Variants in CTBP1 observed in about 807,000 individuals in gnomAD.
CTBP1 encodes C-terminal-binding protein 1.
CTBP1 carries 11 observed loss-of-function variants against 42.1 expected under a neutral mutation model. That is an observed-to-expected ratio of 0.26 (90% CI 0.16 to 0.43). The LOEUF is 0.43. Among genes scored for constraint, CTBP1 ranks in the 20% least tolerant of loss-of-function variants. The pLI, the probability that CTBP1 is intolerant of heterozygous loss-of-function variation, is 1.00. For synonymous variants in CTBP1, 324 were observed against 277.1 expected (o/e 1.17, Z -1.68); for missense variants, 399 against 624.3 (o/e 0.64, Z 3.85).
Position 1,225,469 on chromosome 4 carries a change from C to T in CTBP1, c.405G>A (p.Leu135=), listed in dbSNP as rs1294100924. The T allele has an allele frequency of 1.3e-6, 2 of 1,542,916 alleles. No individual in the cohort carries two copies. The highest frequency in any genetic ancestry group is 3.9e-5 in the Admixed American group (2 of 50,980). Residue 135 remains leucine, a synonymous_variant, in exon 5 of 10, where the codon CTG becomes CTA. Coordinates refer to ENST00000382952, the MANE Select transcript of CTBP1 (RefSeq NM_001012614.2). ...ILNLYRRATW[L]HQALREGTRV... ...GTGTGCCCTCCCGCAGCGCCTGGTG[C>T]AGCCAGGTGGCCCGCCGGTACAGGT...
chr4:1,217,494 T>A (rs1314252652), intron 5 of CTBP1: 1 of 152,080 alleles, frequency 6.6e-6, no homozygotes. Flanking sequence ...TCCCACCAAA[T>A]GGGGAGGAAG....
In CTBP1 at chr4:1,219,702, G is replaced by A. The variant is rs181567633; in HGVS notation, c.515-3497C>T. Among the ~76,000 whole-genome samples, 3 of 152,356 alleles carry A rather than the reference G, an allele frequency of 2.0e-5. No individual in the cohort carries two copies. The East Asian group carries it at 5.8e-4, about 29-fold the overall frequency. On this transcript the variant is annotated intron_variant, in intron 5 of 9. Transcript: ENST00000382952. ...GCAGTGTGTGCAAGAGAAAATTCAAGAGAATCTGTTTTTGGCAGAGGCAGG... is the reference window on the plus strand; with the variant it reads ...GCAGTGTGTGCAAGAGAAAATTCAAAAGAATCTGTTTTTGGCAGAGGCAGG...
intron 2 of CTBP1, among the ~76,000 whole-genome samples, chr4:1,240,342 G>A (rs1159276609): frequency 3.6e-5 from 4 of 112,326 alleles, no homozygotes; most frequent in South Asian, 3.7e-4. Context: ...CGTCGGAACC[G>A]CGTGGGGGAC....
chr4:1,215,906 G>T, intron 6 of CTBP1, 85 bp downstream of exon 6: 11 of 1,428,802 alleles, frequency 7.7e-6, no homozygotes, highest in Non-Finnish European at 9.5e-6. Flanking sequence ...CCCAGGTGCA[G>T]ATGGCTGCTG....
intron 5 of CTBP1, among the ~76,000 whole-genome samples, chr4:1,219,300 C>T (rs970622179): frequency 2.0e-5 from 3 of 152,164 alleles, no homozygotes; most frequent in East Asian, 1.9e-4. Flanking sequence ...TGCAGTGAGC[C>T]GTGACCGCAC....
chr4:1,226,961 C>G (rs1444912713), intron 4 of CTBP1, among the ~76,000 whole-genome samples: 1 of 152,098 alleles, frequency 6.6e-6, no homozygotes, highest in Non-Finnish European at 1.5e-5. Context: ...AAAAGGGAAG[C>G]AAAACCGTGA....
rs1324975714 is a variant in CTBP1 at position 1,248,903 on chromosome 4, C to G, written c.-189+13G>C. ...CCGCCCGCGGCCGGAAACGCGCGCG[C>G]GCGCGGCCTTACCAAGCGGCAGGCC... On this transcript the variant is annotated intron_variant, in intron 1 of 9. Coordinates refer to ENST00000382952, the MANE Select transcript of CTBP1 (RefSeq NM_001012614.2). The G allele has an allele frequency of 1.7e-5, 17 of 985,480 alleles. No individual in the cohort carries two copies. Among genetic ancestry groups the G allele is most frequent in the Non-Finnish European group, 1.9e-5 (16 of 829,136 alleles). 61.0% of individuals were successfully genotyped at this position (985,480 alleles called of 1,614,324 possible). A position where few individuals can be genotyped will look rare whatever the true frequency, so the allele number is the denominator to read the frequency against.
intron 7 of CTBP1, chr4:1,213,923 G>A: frequency 1.2e-5 from 5 of 430,756 alleles, no homozygotes; most frequent in Admixed American, 4.2e-5. Flanking sequence ...GGAGCTGCAG[G>A]CTGATACTGC....
intron 5 of CTBP1, chr4:1,223,283 C>T: frequency 2.7e-6 from 1 of 374,124 alleles, no homozygotes. Flanking sequence ...GAACAGGCAC[C>T]TCAGGGCTCT....
chr4:1,226,968 G>A (rs1176943729), intron 4 of CTBP1, among the ~76,000 whole-genome samples: 1 of 152,072 alleles, frequency 6.6e-6, no homozygotes, highest in African/African-American at 2.4e-5. Context: ...AAGCAAAACC[G>A]TGAGGCGCTG....
chr4:1,242,957 C>T (rs985074878), intron 1 of CTBP1: 49 of 985,180 alleles, frequency 5.0e-5, no homozygotes, highest in African/African-American at 3.1e-4. Context: ...CAATGCCAGC[C>T]GATACTCATC....
Position 1,216,376 on chromosome 4 carries a change from G to A in CTBP1, c.515-171C>T, listed in dbSNP as rs139852734. 7.8e-4 allele frequency: 522 copies of A among 665,170 alleles called. 1 individual carries two copies. In the African/African-American group the frequency reaches 8.7e-3, roughly 11 times the overall value. The allele number at this position is 665,170 out of a possible 1,614,324, so 41.2% of individuals were successfully genotyped here. ...CGCACGCTCCACACGAGCGCTCCAC[G>A]TCCGCTCCAACGCGCCCACTGCCAA... On this transcript the variant is annotated intron_variant, in intron 5 of 9. Transcript: ENST00000382952.
intron 3 of CTBP1, among the ~76,000 whole-genome samples, chr4:1,229,195 G>A (rs527608549): frequency 4.3e-4 from 65 of 152,340 alleles, no homozygotes; most frequent in African/African-American, 1.5e-3. Flanking sequence ...GGGGTGCAGA[G>A]GCACACAGGT....
chr4:1,239,843 G>C (rs185264915), intron 2 of CTBP1, among the ~76,000 whole-genome samples: 1 of 152,210 alleles, frequency 6.6e-6, no homozygotes, highest in South Asian at 2.1e-4. Flanking sequence ...GGTCAAAACC[G>C]CGTCCTGGTT....
Position 1,213,557 on chromosome 4 carries a change from G to A in CTBP1, c.909C>T (p.Pro303=). The A allele has an allele frequency of 1.9e-6, 3 of 1,613,348 alleles. No individual in the cohort carries two copies. The highest frequency in any genetic ancestry group is 1.1e-5 in the South Asian group (1 of 91,084). ...CCTGCTCGCTGTACCATGCAGCATG[G>A]GGGGTGCAGATGAGGTTGGGTGCAT... The part of the protein sequence containing the change: ...LKDAPNLICT[P]HAAWYSEQAS... Residue 303 remains proline, a synonymous_variant, in exon 8 of 10, where the codon CCC becomes CCT. Coordinates refer to ENST00000382952, the MANE Select transcript of CTBP1 (RefSeq NM_001012614.2).
In CTBP1 at chr4:1,238,646, C is replaced by A. The variant is rs1731832626; in HGVS notation, c.8-309G>T. ...AAGGCCCCTCCGAGATCCTCCCAGACCCTCTGAGACCCTCTCACACCCTCC... is the reference window on the plus strand; with the variant it reads ...AAGGCCCCTCCGAGATCCTCCCAGAACCTCTGAGACCCTCTCACACCCTCC... On this transcript the variant is annotated intron_variant, in intron 2 of 9. Coordinates refer to ENST00000382952, the MANE Select transcript of CTBP1 (RefSeq NM_001012614.2). This position sits in a 1 kb window ranked among gnomAD's most constrained non-coding sequence, Gnocchi z 5.9. Among the ~76,000 whole-genome samples the A allele has an allele frequency of 6.6e-6, 1 of 151,170 alleles. No homozygotes were observed. Among genetic ancestry groups the A allele is most frequent in the Non-Finnish European group, 1.5e-5 (1 of 67,794 alleles).
In CTBP1 at chr4:1,244,105, G is replaced by A. The variant is rs990742712; in HGVS notation, c.-188-2586C>T. On this transcript the variant is annotated intron_variant, in intron 1 of 9. Transcript: ENST00000382952. ...GGCATCAAGTCCCGGGGGGCTGCACGGTGGCGGCCCGATGACCCCAGAGCC... is the reference window on the plus strand; with the variant it reads ...GGCATCAAGTCCCGGGGGGCTGCACAGTGGCGGCCCGATGACCCCAGAGCC... 2.6e-5 allele frequency: 26 copies of A among 985,280 alleles called. No individual in the cohort carries two copies. In the African/African-American group the frequency reaches 2.8e-4, roughly 11 times the overall value. The allele number at this position is 985,280 out of a possible 1,614,324, so 61.0% of individuals were successfully genotyped here.
At chr4:1,228,998 T>A (rs952734249) in intron 3 of CTBP1, among the ~76,000 whole-genome samples, 1 of 152,210 alleles carries the variant, frequency 6.6e-6, no homozygotes, top group Non-Finnish European at 1.5e-5. Flanking sequence ...GTCACGTTTT[T>A]AATTTCAGTG....
At chr4:1,216,540 C>T (rs1020401718) in intron 5 of CTBP1, 5 of 458,214 alleles carry the variant, frequency 1.1e-5, no homozygotes, top group Non-Finnish European at 2.0e-5. Flanking sequence ...GTCAGTGGGT[C>T]TCCACCCACC....
Sources: allele counts gnomAD v4.1 joint callset (sites outside exome capture counted in the v4.1 genomes callset), GRCh38; gene constraint gnomAD v4.1.1; non-coding constraint Gnocchi (gnomAD v3.1); transcripts MANE v1.5; gene names NCBI Gene and HGNC (gene_info 2026-07-23, HGNC 2026-07-21).